ANKRD44: variants seen among roughly 807,000 people sequenced by gnomAD.
ANKRD44 encodes the protein ankyrin repeat domain 44.
Under a neutral mutation model 116.0 loss-of-function variants are expected in ANKRD44, and 35 were observed. The ratio of observed to expected loss-of-function variants is 0.30; its 90% confidence interval spans 0.23 to 0.40. The LOEUF (loss-of-function observed/expected upper bound fraction) is 0.40. ANKRD44 is among the 10% of genes least tolerant of loss of function. The probability of loss-of-function intolerance (pLI) is 1.00; values close to 1 mark genes in which losing one functional copy is unlikely to be tolerated. For missense variants in ANKRD44, 1,014 were observed against 1,242.6 expected (o/e 0.82, Z 2.77); for synonymous variants, 435 against 461.8 (o/e 0.94, Z 0.74).
At chr2:196,994,309 C>T (rs996741430) in intron 26 of ANKRD44, among the ~76,000 whole-genome samples, 6 of 151,842 alleles carry the variant, frequency 4.0e-5, no homozygotes, top group South Asian at 2.1e-4. Flanking sequence ...CCTCAGTCTC[C>T]TGTGTAGCTG....
intron 16 of ANKRD44, among the ~76,000 whole-genome samples, chr2:197,074,410 A>C (rs570595167): frequency 6.6e-6 from 1 of 152,242 alleles, no homozygotes; most frequent in Non-Finnish European, 1.5e-5. Context: ...TCCTTTTTTA[A>C]ATGCTTTTCT....
Position 197,102,659 on chromosome 2 carries a change from T to C in ANKRD44, c.986-2729A>G, listed in dbSNP as rs78025595. On this transcript the variant is annotated intron_variant, in intron 9 of 27. Transcript: ENST00000282272. ...TTTTCTAAGTTTGTGTGTATGTCCT[T>C]AAACATATACACAATACTGATATCT... 6.7e-3 allele frequency among the ~76,000 whole-genome samples: 1,023 copies of C among 152,274 alleles called. 4 individuals carry two copies. Among genetic ancestry groups the C allele is most frequent in the Non-Finnish European group, 0.011 (723 of 68,024 alleles).
chr2:196,980,952 A>T (rs1233859113), intron 21 of ANKRD44, among the ~76,000 whole-genome samples: 1 of 152,214 alleles, frequency 6.6e-6, no homozygotes, highest in African/African-American at 2.4e-5. Context: ...TATGATAAAT[A>T]GCTTTTCCTA....
chr2:197,050,277 C>G (rs1048608929), intron 16 of ANKRD44, among the ~76,000 whole-genome samples: 8 of 152,178 alleles, frequency 5.3e-5, no homozygotes, highest in Admixed American at 4.6e-4. Flanking sequence ...ATCCAATCGC[C>G]TCCCACCAGG....
intron 18 of ANKRD44, among the ~76,000 whole-genome samples, chr2:197,011,904 C>T (rs2076308163): frequency 6.6e-6 from 1 of 152,190 alleles, no homozygotes; most frequent in African/African-American, 2.4e-5. Flanking sequence ...GCTCTGCTGC[C>T]AAGTTCAGCT....
At chr2:197,083,255 T>A in intron 14 of ANKRD44, 114 bp downstream of exon 14, 1 of 1,358,994 alleles carries the variant, frequency 7.4e-7, no homozygotes, top group Non-Finnish European at 9.9e-7. Context: ...AATCTAACTC[T>A]TTTGGGTTAG....
chr2:197,273,998 T>A (rs13384811), intron 1 of ANKRD44, among the ~76,000 whole-genome samples: 8,057 of 24,072 alleles, frequency 0.33, 2,029 homozygotes, highest in East Asian at 0.66. Context: ...TATATATATA[T>A]ATATATATAT....
Position 197,147,076 on chromosome 2 carries a change from C to T in ANKRD44, c.141G>A (p.Val47=), listed in dbSNP as rs2079524239. The T allele has an allele frequency of 2.0e-5, 33 of 1,613,772 alleles. No individual in the cohort carries two copies. The highest frequency in any genetic ancestry group is 2.8e-5 in the Non-Finnish European group (33 of 1,179,760). ...TCTCTGCATCTCCCAGAAATGCGGC[C>T]ACATGAAGAGGGGTTCGTTTCTCAG... The part of the protein sequence containing the change: ...LDSEKRTPLH[V]AAFLGDAEII... Residue 47 remains valine (V), a synonymous_variant, in exon 3 of 28, where the codon GTG becomes GTA. Transcript: ENST00000282272.
At chr2:197,216,293 G>T (rs1226706888) in intron 1 of ANKRD44, among the ~76,000 whole-genome samples, 4 of 152,150 alleles carry the variant, frequency 2.6e-5, no homozygotes, top group Non-Finnish European at 4.4e-5. Flanking sequence ...CACCCTAAAG[G>T]TCTCTCACTT....
At chr2:197,241,923 A>C (rs2082098683) in intron 1 of ANKRD44, among the ~76,000 whole-genome samples, 1 of 152,186 alleles carries the variant, frequency 6.6e-6, no homozygotes, top group Admixed American at 6.5e-5. Context: ...TATTAATCTT[A>C]AAAATACATA....
At chr2:197,211,257 C>G (rs963438536) in intron 1 of ANKRD44, among the ~76,000 whole-genome samples, 2 of 152,204 alleles carry the variant, frequency 1.3e-5, no homozygotes, top group Non-Finnish European at 2.9e-5. Flanking sequence ...ACACAGGGAG[C>G]AGGATACCTC....
At chr2:197,088,365 C>T (rs141584893) in intron 12 of ANKRD44, among the ~76,000 whole-genome samples, 1 of 152,128 alleles carries the variant, frequency 6.6e-6, no homozygotes, top group Non-Finnish European at 1.5e-5. Flanking sequence ...ACCCACATAA[C>T]AGCAACAAAA....
chr2:196,993,405 T>G (rs1036542), intron 27 of ANKRD44, among the ~76,000 whole-genome samples, 178 bp downstream of exon 27: 1 of 152,122 alleles, frequency 6.6e-6, no homozygotes, highest in Admixed American at 6.5e-5. Context: ...GTAGACTATG[T>G]GATTTACAAA....
At chr2:197,138,494 C>T (rs961375244) in intron 3 of ANKRD44, among the ~76,000 whole-genome samples, 2 of 152,214 alleles carry the variant, frequency 1.3e-5, no homozygotes, top group African/African-American at 4.8e-5. Context: ...CAAAACCAAA[C>T]TTCAGATTTC....
At chr2:196,972,651 A>G (rs1054030527) in intron 21 of ANKRD44, among the ~76,000 whole-genome samples, 12 of 152,368 alleles carry the variant, frequency 7.9e-5, no homozygotes, top group Admixed American at 7.2e-4. Flanking sequence ...ATGCAAGTCT[A>G]TATTTGTAGC....
intron 1 of ANKRD44, among the ~76,000 whole-genome samples, chr2:197,232,668 T>C (rs1465203773): frequency 6.6e-6 from 1 of 152,248 alleles, no homozygotes; most frequent in Non-Finnish European, 1.5e-5. Flanking sequence ...GGCCTGGGGC[T>C]ACCTTTCAGC....
intron 17 of ANKRD44, among the ~76,000 whole-genome samples, chr2:197,019,021 T>G (rs2076445180): frequency 6.6e-6 from 1 of 152,192 alleles, no homozygotes; most frequent in African/African-American, 2.4e-5. Context: ...TCTTACAATT[T>G]TCCCCAGTAA....
intron 10 of ANKRD44, among the ~76,000 whole-genome samples, chr2:197,095,210 G>A (rs942527815): frequency 3.9e-5 from 6 of 152,066 alleles, no homozygotes; most frequent in African/African-American, 7.2e-5. Context: ...TTGACTCATC[G>A]GAGTGGCCCT....
rs1461441072 is a variant in ANKRD44, at chr2:196,988,914, A to G, written c.*677T>C. 1.0e-6 allele frequency: 1 copy of G among 985,374 alleles called. No homozygotes were observed. 61.0% of individuals were successfully genotyped at this position (985,374 alleles called of 1,614,324 possible). On this transcript the variant is annotated 3_prime_UTR_variant, in exon 28 of 28. Coordinates refer to ENST00000282272, the MANE Select transcript of ANKRD44 (RefSeq NM_001195144.2). The stretch of plus-strand genomic sequence containing the variant: ...TCTTTGTGCTGCCTTTGTGTATATG[A>G]TCCACTACACATCTGAGTTTTCATC...
Sources: allele counts gnomAD v4.1 joint callset (sites outside exome capture counted in the v4.1 genomes callset), GRCh38; gene constraint gnomAD v4.1.1; transcripts MANE v1.5; gene names NCBI Gene and HGNC (gene_info 2026-07-23, HGNC 2026-07-21).